SLC25A12: variants seen among roughly 807,000 people sequenced by gnomAD.
SLC25A12 encodes the protein solute carrier family 25 member 12.
Under a neutral mutation model 83.3 loss-of-function variants are expected in SLC25A12, and 32 were observed. The observed-to-expected ratio is 0.38, with a 90% CI of 0.29 to 0.52. The LOEUF (loss-of-function observed/expected upper bound fraction) is 0.52, where lower values mean the gene tolerates loss of function less well. Ranked by LOEUF, SLC25A12 falls within the 20% of genes least tolerant of loss-of-function variation. SLC25A12 has a pLI of 0.84. For missense variants in SLC25A12, 611 were observed against 835.6 expected (o/e 0.73, Z 3.31); for synonymous variants, 267 against 291.1 (o/e 0.92, Z 0.84).
At position 171,815,203 on chromosome 2, in the gene SLC25A12, C is replaced by A. The variant is rs756442231; in HGVS notation, c.931-1G>T. ...TAGGCCTGCCTAACCCAGGAGACTG[C>A]TGCAGAGAAGAAAACGGGTAAAAAA... On this transcript the variant is annotated splice_acceptor_variant, in intron 9 of 17. Transcript: ENST00000422440. LOFTEE classifies it high-confidence loss of function. 6.2e-7 allele frequency: 1 copy of A among 1,611,328 alleles called. No individual in the cohort carries two copies. Among genetic ancestry groups the A allele is most frequent in the Non-Finnish European group, 8.5e-7 (1 of 1,177,694 alleles).
chr2:171,788,145 T>C (rs1574670992), intron 15 of SLC25A12, 198 bp from the exon 16 acceptor site: 1 of 572,678 alleles, frequency 1.7e-6, no homozygotes, highest in Non-Finnish European at 3.1e-6. Flanking sequence ...AAAATTATTA[T>C]TATTTTTTCC....
At chr2:171,811,951 C>T (rs1017183441) in intron 11 of SLC25A12, among the ~76,000 whole-genome samples, 2 of 152,168 alleles carry the variant, frequency 1.3e-5, no homozygotes, top group Admixed American at 6.5e-5. Flanking sequence ...CTTAATGCCA[C>T]TCAACCTTGA....
intron 9 of SLC25A12, among the ~76,000 whole-genome samples, chr2:171,826,407 A>G (rs1684300822): frequency 6.6e-6 from 1 of 152,218 alleles, no homozygotes; most frequent in African/African-American, 2.4e-5. Context: ...CACGAGTTCA[A>G]GACCAGCCTG....
chr2:171,823,260 G>GT (rs1403086627), intron 9 of SLC25A12, among the ~76,000 whole-genome samples: 4 of 152,068 alleles, frequency 2.6e-5, no homozygotes, highest in Admixed American at 1.3e-4. Flanking sequence ...AATTTTAAAT[G>GT]TTACAAAGGA....
chr2:171,800,912 C>A (rs1212230375), intron 13 of SLC25A12, among the ~76,000 whole-genome samples: 1 of 152,118 alleles, frequency 6.6e-6, no homozygotes, highest in African/African-American at 2.4e-5. Flanking sequence ...AAACTTCAGA[C>A]AGAAATCAGA....
At chr2:171,803,298 A>G (rs1683750834) in intron 13 of SLC25A12, among the ~76,000 whole-genome samples, 1 of 152,156 alleles carries the variant, frequency 6.6e-6, no homozygotes, top group Admixed American at 6.5e-5. Context: ...CTTCTTAGAT[A>G]TAACACCAAA....
intron 14 of SLC25A12, among the ~76,000 whole-genome samples, chr2:171,793,149 T>C (rs896535309): frequency 6.6e-6 from 1 of 151,734 alleles, no homozygotes; most frequent in Admixed American, 6.6e-5. Flanking sequence ...ATGGAATTCA[T>C]TATTGACAAA....
intron 7 of SLC25A12, 110 bp downstream of exon 7, chr2:171,834,617 C>T (rs766625999): frequency 4.8e-6 from 6 of 1,241,162 alleles, no homozygotes; most frequent in Non-Finnish European, 7.0e-6. Flanking sequence ...CACATGGTAA[C>T]ATACTTTCTA....
At chr2:171,807,847 G>GCA (rs1311127658) in intron 13 of SLC25A12, among the ~76,000 whole-genome samples, 1 of 151,942 alleles carries the variant, frequency 6.6e-6, no homozygotes, top group East Asian at 1.9e-4. Context: ...ATGCATACAG[G>GCA]CACACACACA....
chr2:171,883,917 G>A (rs968566314), intron 2 of SLC25A12, among the ~76,000 whole-genome samples: 4 of 150,296 alleles, frequency 2.7e-5, no homozygotes, highest in African/African-American at 9.8e-5. Context: ...CTGGAGTGCA[G>A]TAGCATGACC....
chr2:171,854,792 A>G (rs1685011688), intron 4 of SLC25A12, among the ~76,000 whole-genome samples: 1 of 152,210 alleles, frequency 6.6e-6, no homozygotes, highest in African/African-American at 2.4e-5. Context: ...TTCAAGTTTA[A>G]CTAAAGGACA....
chr2:171,793,513 C>G, intron 14 of SLC25A12, 114 bp downstream of exon 14: 1 of 1,074,656 alleles, frequency 9.3e-7, no homozygotes, highest in Non-Finnish European at 1.4e-6. Flanking sequence ...GTTTGATTTT[C>G]TGCTCCACAG....
intron 8 of SLC25A12, among the ~76,000 whole-genome samples, chr2:171,827,602 C>T (rs1283566719): frequency 6.6e-6 from 1 of 152,160 alleles, no homozygotes; most frequent in Non-Finnish European, 1.5e-5. Context: ...TACTTAAACC[C>T]CGGAAGATTT....
Position 171,844,352 on chromosome 2 carries a change from A to T in SLC25A12, c.465+17T>A. ...AGAATAGTATATATTGATACCTGTTATGAAAACTAAGCTCACCTGGAGAAA... is the reference window on the plus strand; with the variant it reads ...AGAATAGTATATATTGATACCTGTTTTGAAAACTAAGCTCACCTGGAGAAA... On this transcript the variant is annotated intron_variant, in intron 5 of 17. Coordinates refer to ENST00000422440, the MANE Select transcript of SLC25A12 (RefSeq NM_003705.5). 1 of 1,613,324 alleles carries T rather than the reference A, an allele frequency of 6.2e-7. No homozygotes were observed. Among genetic ancestry groups the T allele is most frequent in the Non-Finnish European group, 8.5e-7 (1 of 1,179,342 alleles).
chr2:171,828,631 T>C (rs954393464), intron 8 of SLC25A12, among the ~76,000 whole-genome samples: 4 of 152,228 alleles, frequency 2.6e-5, no homozygotes, highest in African/African-American at 4.8e-5. Context: ...CTGAGTGGAA[T>C]AGCCAACACT....
intron 4 of SLC25A12, among the ~76,000 whole-genome samples, chr2:171,848,662 A>G (rs1203467933): frequency 1.3e-5 from 2 of 152,152 alleles, no homozygotes; most frequent in African/African-American, 4.8e-5. Context: ...AAGACCAACA[A>G]CAGGAACTTG....
intron 4 of SLC25A12, among the ~76,000 whole-genome samples, chr2:171,854,962 C>G (rs1685014656): frequency 6.6e-6 from 1 of 152,156 alleles, no homozygotes; most frequent in Non-Finnish European, 1.5e-5. Context: ...CTGGAGATGT[C>G]TTTCACAACG....
chr2:171,863,674 T>A (rs753279903), intron 3 of SLC25A12, among the ~76,000 whole-genome samples: 1 of 152,180 alleles, frequency 6.6e-6, no homozygotes, highest in Non-Finnish European at 1.5e-5. Context: ...AATATATGGA[T>A]ATTCTGAAAT....
intron 2 of SLC25A12, among the ~76,000 whole-genome samples, chr2:171,892,230 T>C (rs1186481580): frequency 1.1e-5 from 1 of 92,796 alleles, no homozygotes; most frequent in Non-Finnish European, 2.3e-5. Flanking sequence ...CCTTTACATC[T>C]ACTTTTTTTT....
Sources: allele counts gnomAD v4.1 joint callset (sites outside exome capture counted in the v4.1 genomes callset), GRCh38; gene constraint gnomAD v4.1.1; transcripts MANE v1.5; gene names NCBI Gene and HGNC (gene_info 2026-07-23, HGNC 2026-07-21).